The following MAGI2 variants were observed in gnomAD, a reference collection of about 807,000 sequenced individuals.
MAGI2 encodes membrane-associated guanylate kinase, WW and PDZ domain-containing protein 2.
A neutral mutation model predicts 133.3 loss-of-function variants in MAGI2; 35 were observed. The observed-to-expected ratio is 0.26, with a 90% CI of 0.20 to 0.35. The LOEUF (loss-of-function observed/expected upper bound fraction) is 0.35. Among genes scored for constraint, MAGI2 ranks in the 10% least tolerant of loss-of-function variants. The probability of loss-of-function intolerance (pLI) is 1.00; values close to 1 mark genes in which losing one functional copy is unlikely to be tolerated. For missense variants in MAGI2, 1,636 were observed against 1,863.4 expected (o/e 0.88, Z 2.25); for synonymous variants, 729 against 710.6 (o/e 1.03, Z -0.41).
chr7:79,335,930 T>C (rs1409809603), intron 1 of MAGI2, among the ~76,000 whole-genome samples: 1 of 152,108 alleles, frequency 6.6e-6, no homozygotes, highest in Non-Finnish European at 1.5e-5. Flanking sequence ...TCTTCCAAAC[T>C]GCAAACACCT....
At chr7:78,446,245 C>T (rs10241911) in intron 6 of MAGI2, among the ~76,000 whole-genome samples, 144,717 of 152,016 alleles carry the variant, frequency 0.95, 68,986 homozygotes, top group East Asian at 0.98. Context: ...GGAATAAAAA[C>T]CTTTTTACTC....
intron 1 of MAGI2, among the ~76,000 whole-genome samples, chr7:79,430,867 A>G (rs1472120326): frequency 2.6e-5 from 4 of 152,226 alleles, no homozygotes; most frequent in African/African-American, 9.6e-5. Flanking sequence ...TGGCTTGAAT[A>G]CACTTGGGTT....
intron 1 of MAGI2, among the ~76,000 whole-genome samples, chr7:79,318,782 A>G (rs978086301): frequency 2.6e-5 from 4 of 152,084 alleles, no homozygotes; most frequent in Non-Finnish European, 5.9e-5. Context: ...AATTTGCTGT[A>G]GTTTTTCTCT....
At chr7:78,913,182 G>C (rs1426747264) in intron 2 of MAGI2, among the ~76,000 whole-genome samples, 2 of 152,056 alleles carry the variant, frequency 1.3e-5, no homozygotes, top group Non-Finnish European at 1.5e-5. Context: ...CTGTGTCCCT[G>C]TCCAAATCTC....
intron 21 of MAGI2, among the ~76,000 whole-genome samples, chr7:78,032,507 G>A (rs572378234): frequency 3.9e-5 from 6 of 152,260 alleles, no homozygotes; most frequent in Admixed American, 2.0e-4. Flanking sequence ...AAGCCATTGT[G>A]CCTAGCCAAC....
intron 1 of MAGI2, among the ~76,000 whole-genome samples, chr7:79,303,023 TC>T (rs1322405472): frequency 2.0e-5 from 3 of 152,192 alleles, no homozygotes; most frequent in African/African-American, 7.2e-5. Flanking sequence ...TTCTAATATT[TC>T]TTCAGAGTCC....
At position 78,161,667 on chromosome 7, in the gene MAGI2, T is replaced by TAAAAAAAAAAAAAAAAAAAA. The variant is rs71515391; in HGVS notation, c.2597-1414_2597-1395dup. ...AGAGACGTTTTGTTACATCGATACCTAAAAAAAAAAAAAAAAAAAAGAAAA... is the reference window on the plus strand; with the variant it reads ...AGAGACGTTTTGTTACATCGATACCTAAAAAAAAAAAAAAAAAAAAAAAAAAAAAAAAAAAAAAAAGAAAA... On this transcript the variant is annotated intron_variant, in intron 15 of 21. Transcript: ENST00000354212. Among the ~76,000 whole-genome samples, 365 of 68,898 alleles carry TAAAAAAAAAAAAAAAAAAAA rather than the reference T, an allele frequency of 5.3e-3. 11 individuals carry two copies. The highest frequency in any genetic ancestry group is 0.011 in the East Asian group (20 of 1,862). 45.2% of individuals were successfully genotyped at this position (68,898 alleles called of 152,430 possible).
Position 78,501,498 on chromosome 7 carries a change from TTC to T in MAGI2, c.965+77_965+78del, listed in dbSNP as rs10641091. The T allele has an allele frequency of 0.013, 15,963 of 1,253,314 alleles. 116 individuals are homozygous for T. The highest frequency in any genetic ancestry group is 0.044 in the African/African-American group (2,859 of 65,136). 77.6% of individuals were successfully genotyped at this position (1,253,314 alleles called of 1,614,324 possible). ...CATGTTTTTTTCTTTTTTTTTTTTT[TTC>T]CACGTCTAACTTGCTACATCATTTA... On this transcript the variant is annotated intron_variant, in intron 5 of 21. Coordinates refer to ENST00000354212, the MANE Select transcript of MAGI2 (RefSeq NM_012301.4).
chr7:78,308,353 G>A (rs528919524), intron 9 of MAGI2, among the ~76,000 whole-genome samples: 124 of 152,278 alleles, frequency 8.1e-4, no homozygotes, highest in Non-Finnish European at 1.2e-3. Flanking sequence ...TGTACAACAA[G>A]ACTGTCAGCT....
intron 2 of MAGI2, among the ~76,000 whole-genome samples, chr7:78,787,135 A>AT (rs1554571191): frequency 6.6e-6 from 1 of 151,948 alleles, no homozygotes; most frequent in Non-Finnish European, 1.5e-5. Context: ...TTTAGTAGAG[A>AT]GGGGGTTTCA....
intron 6 of MAGI2, among the ~76,000 whole-genome samples, chr7:78,433,415 C>A (rs567145934): frequency 6.6e-6 from 1 of 152,152 alleles, no homozygotes; most frequent in East Asian, 1.9e-4. Context: ...TATCTATATT[C>A]TTCTTGGTTT....
At chr7:78,548,657 T>A (rs1799077170) in intron 3 of MAGI2, among the ~76,000 whole-genome samples, 1 of 152,196 alleles carries the variant, frequency 6.6e-6, no homozygotes, top group Non-Finnish European at 1.5e-5. Flanking sequence ...ATTGTATCAC[T>A]GAACTCCAGC....
chr7:78,404,872 G>A (rs1203907271), intron 6 of MAGI2, among the ~76,000 whole-genome samples: 2 of 152,152 alleles, frequency 1.3e-5, no homozygotes, highest in African/African-American at 2.4e-5. Flanking sequence ...TACCATCAGA[G>A]TGAACAGGCA....
chr7:78,319,292 G>T (rs1426960161), intron 9 of MAGI2, among the ~76,000 whole-genome samples: 1 of 144,372 alleles, frequency 6.9e-6, no homozygotes, highest in East Asian at 2.1e-4. Context: ...CAAATGGAAA[G>T]CAAAAACAAA....
chr7:78,144,564 A>G (rs946865832), intron 16 of MAGI2, among the ~76,000 whole-genome samples: 1 of 151,840 alleles, frequency 6.6e-6, no homozygotes, highest in Non-Finnish European at 1.5e-5. Flanking sequence ...AAGGTTTCTG[A>G]TTGTGTCTTT....
chr7:79,155,216 G>A (rs1226569566), intron 1 of MAGI2, among the ~76,000 whole-genome samples: 1 of 152,120 alleles, frequency 6.6e-6, no homozygotes, highest in Admixed American at 6.6e-5. Flanking sequence ...TACAGGTGTA[G>A]CTTTTAATTG....
rs966520260 is a variant in MAGI2, at chr7:79,432,114, C to A, written c.301+20906G>T. Among the ~76,000 whole-genome samples the A allele has an allele frequency of 2.0e-5, 3 of 152,276 alleles. No homozygotes were observed. The South Asian group carries it at 6.2e-4, about 32-fold the overall frequency. On this transcript the variant is annotated intron_variant, in intron 1 of 21. Coordinates refer to ENST00000354212, the MANE Select transcript of MAGI2 (RefSeq NM_012301.4). ...AAAGCTGAGGACAGTGGAAAACAAG[C>A]AAGTTACTAATCATATCCCTGGTCA... is the stretch of plus-strand genomic sequence containing the variant.
intron 3 of MAGI2, among the ~76,000 whole-genome samples, chr7:78,562,699 A>G (rs1479156213): frequency 6.6e-6 from 1 of 152,170 alleles, no homozygotes; most frequent in Non-Finnish European, 1.5e-5. Context: ...AATTGTAAAT[A>G]CGTTTTTGAG....
At chr7:79,372,232 T>C (rs1359295462) in intron 1 of MAGI2, among the ~76,000 whole-genome samples, 1 of 152,110 alleles carries the variant, frequency 6.6e-6, no homozygotes, top group Non-Finnish European at 1.5e-5. Context: ...TTGTCTTCAC[T>C]GGAGTATCAT....
Sources: gnomAD v4.1 joint callset for allele counts (sites outside exome capture counted in the v4.1 genomes callset) on GRCh38, gnomAD v4.1.1 for gene constraint, MANE v1.5 for transcripts, NCBI Gene and HGNC (gene_info 2026-07-23, HGNC 2026-07-21) for gene names.